The following CCDC192 variants were observed in gnomAD, a reference collection of about 807,000 sequenced individuals.
The protein encoded by CCDC192 is coiled-coil domain-containing protein 192.
At chr5:127,765,646 G>A (rs536612928) in intron 3 of CCDC192, among the ~76,000 whole-genome samples, 99 of 152,248 alleles carry the variant, frequency 6.5e-4, no homozygotes, top group African/African-American at 2.3e-3. Flanking sequence ...TATGAATCAT[G>A]TTGGAAACCA....
At chr5:127,877,573 C>G (rs568471633) in intron 6 of CCDC192, among the ~76,000 whole-genome samples, 6 of 152,154 alleles carry the variant, frequency 3.9e-5, no homozygotes, top group Non-Finnish European at 8.8e-5. Flanking sequence ...CACATTCTTG[C>G]TCTTCCACAG....
At chr5:127,803,916 A>G (rs1757640762) in intron 5 of CCDC192, among the ~76,000 whole-genome samples, 1 of 152,216 alleles carries the variant, frequency 6.6e-6, no homozygotes. Flanking sequence ...GAATCCTTCA[A>G]ATGAATCGTA....
rs1183834417 is a variant in CCDC192 at position 127,719,881 on chromosome 5, TCAC to T, written c.114+12122_114+12124del. ...TTAAACCACCAGATCTCATGAGAAC[TCAC>T]TTACTATCATGAGAACAGCAAGGGG... is the stretch of plus-strand genomic sequence containing the variant. On this transcript the variant is annotated intron_variant, in intron 2 of 6. Coordinates refer to ENST00000514853, the MANE Select transcript of CCDC192 (RefSeq NM_001317938.2). 2.7e-5 allele frequency among the ~76,000 whole-genome samples: 4 copies of T among 149,998 alleles called. No homozygotes were observed. The East Asian group carries it at 7.8e-4, about 29-fold the overall frequency.
intron 5 of CCDC192, among the ~76,000 whole-genome samples, chr5:127,854,225 C>T (rs1333664647): frequency 1.3e-5 from 2 of 152,156 alleles, no homozygotes; most frequent in Admixed American, 6.6e-5. Context: ...CAATCCTACA[C>T]ATTTTTTCTC....
At chr5:127,712,861 A>T (rs1398649664) in intron 2 of CCDC192, among the ~76,000 whole-genome samples, 1 of 152,194 alleles carries the variant, frequency 6.6e-6, no homozygotes, top group African/African-American at 2.4e-5. Flanking sequence ...TGTATCATTT[A>T]ACATCCCCAC....
chr5:127,801,959 G>T (rs1757528833), intron 5 of CCDC192, among the ~76,000 whole-genome samples: 1 of 152,152 alleles, frequency 6.6e-6, no homozygotes, highest in African/African-American at 2.4e-5. Flanking sequence ...GGATCAGTTG[G>T]GTGCCTGTGA....
chr5:127,860,716 A>T (rs1751322198), intron 5 of CCDC192, among the ~76,000 whole-genome samples: 1 of 152,222 alleles, frequency 6.6e-6, no homozygotes, highest in Non-Finnish European at 1.5e-5. Flanking sequence ...AATAAACAGA[A>T]AGCATGCAAA....
chr5:127,838,886 T>A (rs1750152659), intron 5 of CCDC192, among the ~76,000 whole-genome samples: 1 of 152,220 alleles, frequency 6.6e-6, no homozygotes, highest in Non-Finnish European at 1.5e-5. Flanking sequence ...AGACTGTCGC[T>A]GGGGTGACTC....
chr5:127,941,216 C>G lies in CCDC192; in HGVS notation c.570C>G (p.Leu190=), dbSNP rs61750020. Reference sequence around the variant, plus strand: ...TGCTGGAAGGGTTCTGTGGAGGTCTCCCACCTGTGGAAGAAGGTGATAGAA... The same window carrying G: ...TGCTGGAAGGGTTCTGTGGAGGTCTGCCACCTGTGGAAGAAGGTGATAGAA... ...DSLLEGFCGG[L]PPVEEGDRKI... is the part of the protein sequence containing the mutation. Residue 190 remains leucine (L), a synonymous_variant, in exon 7 of 7, where the codon CTC becomes CTG. Coordinates refer to ENST00000514853, the MANE Select transcript of CCDC192 (RefSeq NM_001317938.2). 3.1e-3 allele frequency: 1,234 copies of G among 399,056 alleles called. 3 individuals are homozygous for G. The highest frequency in any genetic ancestry group is 4.0e-3 in the Non-Finnish European group (909 of 226,062). 24.7% of individuals were successfully genotyped at this position (399,056 alleles called of 1,614,324 possible).
chr5:127,906,429 C>T (rs1191757252), intron 6 of CCDC192, among the ~76,000 whole-genome samples: 1 of 152,144 alleles, frequency 6.6e-6, no homozygotes, highest in Admixed American at 6.6e-5. Context: ...TGACAATGGA[C>T]ATTAGGGTTG....
At chr5:127,727,991 A>C (rs1462243426) in intron 2 of CCDC192, among the ~76,000 whole-genome samples, 1 of 152,252 alleles carries the variant, frequency 6.6e-6, no homozygotes, top group Non-Finnish European at 1.5e-5. Context: ...ACAAGATTAG[A>C]GAAAAATGAA....
At chr5:127,707,149 G>A (rs569960633) in intron 1 of CCDC192, among the ~76,000 whole-genome samples, 1 of 152,242 alleles carries the variant, frequency 6.6e-6, no homozygotes, top group East Asian at 1.9e-4. Context: ...AAAAAAGAAA[G>A]AAAACTAGAA....
chr5:127,772,258 C>T (rs901393765), intron 3 of CCDC192, among the ~76,000 whole-genome samples: 3 of 152,026 alleles, frequency 2.0e-5, no homozygotes, highest in African/African-American at 7.2e-5. Context: ...ATCAGGAGTT[C>T]AAGACCAGCC....
At chr5:127,737,214 T>C (rs1404477193) in intron 2 of CCDC192, among the ~76,000 whole-genome samples, 1 of 152,138 alleles carries the variant, frequency 6.6e-6, no homozygotes, top group East Asian at 1.9e-4. Context: ...GAGCAGGTTG[T>C]TCAGTTTCCA....
At chr5:127,716,472 T>C (rs903481834) in intron 2 of CCDC192, among the ~76,000 whole-genome samples, 3 of 152,212 alleles carry the variant, frequency 2.0e-5, no homozygotes, top group African/African-American at 7.2e-5. Context: ...ATATTAGTTC[T>C]TCTTTAAATG....
intron 5 of CCDC192, among the ~76,000 whole-genome samples, chr5:127,800,402 C>CAAAAAAAAAAAAAAAA (rs772597286): frequency 3.4e-5 from 3 of 88,324 alleles, no homozygotes; most frequent in African/African-American, 4.8e-5. Context: ...AAAAAAAAAA[C>CAAAAAAAAAAAAAAAA]AACAACAACA....
At chr5:127,834,450 G>A (rs942493265) in intron 5 of CCDC192, among the ~76,000 whole-genome samples, 1 of 152,176 alleles carries the variant, frequency 6.6e-6, no homozygotes, top group African/African-American at 2.4e-5. Flanking sequence ...TCTCTTGTCA[G>A]TCTAATTTAT....
chr5:127,882,157 A>G (rs1375927744), intron 6 of CCDC192, among the ~76,000 whole-genome samples: 1 of 152,240 alleles, frequency 6.6e-6, no homozygotes, highest in African/African-American at 2.4e-5. Context: ...GAATCGAGCC[A>G]GCTACACTTT....
chr5:127,804,135 C>T lies in CCDC192; in HGVS notation c.411+5973C>T, dbSNP rs993063456. On this transcript the variant is annotated intron_variant, in intron 5 of 6. Coordinates refer to ENST00000514853, the MANE Select transcript of CCDC192 (RefSeq NM_001317938.2). ...TTTCTAAATTAAGAATCTGTAAGAG[C>T]GGACTGCTCCCTCCTAGAATTCCAG... Among the ~76,000 whole-genome samples the T allele has an allele frequency of 2.6e-5, 4 of 152,324 alleles. No individual in the cohort carries two copies. In the East Asian group the frequency reaches 7.7e-4, roughly 29 times the overall value.
Sources: allele counts gnomAD v4.1 joint callset (sites outside exome capture counted in the v4.1 genomes callset), GRCh38; gene constraint gnomAD v4.1.1; transcripts MANE v1.5; gene names NCBI Gene and HGNC (gene_info 2026-07-23, HGNC 2026-07-21).